Variants in CAMTA1 observed in about 807,000 individuals in gnomAD.
CAMTA1 encodes calmodulin binding transcription activator 1, also known as calmodulin-binding transcription activator 1.
In CAMTA1, 27 loss-of-function variants were observed where a neutral mutation model predicts 170.9. The observed-to-expected ratio is 0.16, with a 90% CI of 0.12 to 0.22. The LOEUF is 0.22. Ranked by LOEUF, CAMTA1 falls within the 10% of genes least tolerant of loss-of-function variation. The pLI, the probability that CAMTA1 is intolerant of heterozygous loss-of-function variation, is 1.00. For missense variants in CAMTA1, 1,619 were observed against 2,217.2 expected (o/e 0.73, Z 5.42); for synonymous variants, 833 against 891.5 (o/e 0.93, Z 1.17).
rs752244072 is a variant in CAMTA1, at chr1:7,745,938, C to T, written c.4464C>T (p.Asn1488=). The T allele has an allele frequency of 8.1e-6, 13 of 1,614,230 alleles. No individual in the cohort carries two copies. Among genetic ancestry groups the T allele is most frequent in the Non-Finnish European group, 1.1e-5 (13 of 1,180,036 alleles). The part of the protein sequence containing the change: ...PVSEIAFEKP[N]LPSAADWSEF... ...GTGAAATCGCTTTCGAGAAACCTAA[C>T]CTTCCCTCCGCCGCGGATTGGTCAG... Residue 1488 remains asparagine (N), a synonymous_variant, in exon 18 of 23, where the codon AAC becomes AAT. Coordinates refer to ENST00000303635, the MANE Select transcript of CAMTA1 (RefSeq NM_015215.4).
At chr1:6,988,486 C>T (rs1695735334) in intron 3 of CAMTA1, among the ~76,000 whole-genome samples, 1 of 152,096 alleles carries the variant, frequency 6.6e-6, no homozygotes, top group Admixed American at 6.5e-5. Flanking sequence ...GTAGTGGATA[C>T]ACAGATGGAA....
intron 3 of CAMTA1, among the ~76,000 whole-genome samples, chr1:6,868,792 A>G (rs1372981375): frequency 6.6e-6 from 1 of 152,238 alleles, no homozygotes; most frequent in Non-Finnish European, 1.5e-5. Flanking sequence ...TGATGACTTG[A>G]TGGACTTGTG....
intron 3 of CAMTA1, among the ~76,000 whole-genome samples, chr1:7,019,316 TA>T (rs111492441): frequency 0.072 from 10,959 of 152,224 alleles, 453 homozygotes; most frequent in Middle Eastern, 0.21. Flanking sequence ...CACCTAGAAA[TA>T]GGTTCCTTTG....
At chr1:7,541,786 G>C (rs888835842) in intron 6 of CAMTA1, among the ~76,000 whole-genome samples, 2 of 152,306 alleles carry the variant, frequency 1.3e-5, no homozygotes, top group African/African-American at 4.8e-5. Context: ...TCACCCACAG[G>C]GGTTCTGGTG....
intron 3 of CAMTA1, among the ~76,000 whole-genome samples, chr1:6,916,373 C>T (rs1002739179): frequency 1.3e-5 from 2 of 152,136 alleles, no homozygotes; most frequent in African/African-American, 4.8e-5. Context: ...AGCCGCCGGC[C>T]GAGTTCCTGT....
At chr1:7,316,285 C>G (rs1438419617) in intron 5 of CAMTA1, among the ~76,000 whole-genome samples, 1 of 152,190 alleles carries the variant, frequency 6.6e-6, no homozygotes, top group East Asian at 1.9e-4. Flanking sequence ...TCTATTGACA[C>G]CAGGCATTGG....
rs77963822 is a variant in CAMTA1, at chr1:6,879,080, A to G, written c.234+53870A>G. ...CCTTACCATCCCTGCACTTCTTTTA[A>G]AGGAAGTAGAGTTTCCGCTTGAAAA... On this transcript the variant is annotated intron_variant, in intron 3 of 22. Coordinates refer to ENST00000303635, the MANE Select transcript of CAMTA1 (RefSeq NM_015215.4). Among the ~76,000 whole-genome samples, 711 of 152,312 alleles carry G rather than the reference A, an allele frequency of 4.7e-3. 4 individuals are homozygous for G. Among genetic ancestry groups the G allele is most frequent in the Middle Eastern group, 0.017 (5 of 294 alleles).
intron 3 of CAMTA1, among the ~76,000 whole-genome samples, chr1:6,911,041 T>C (rs992040768): frequency 6.6e-6 from 1 of 152,154 alleles, no homozygotes; most frequent in African/African-American, 2.4e-5. Context: ...TTACCTTCCG[T>C]TTGGAGCAGC....
intron 4 of CAMTA1, among the ~76,000 whole-genome samples, chr1:7,143,449 A>C (rs1013947082): frequency 6.6e-6 from 1 of 152,162 alleles, no homozygotes; most frequent in African/African-American, 2.4e-5. Context: ...CATTTTGCAC[A>C]CCCAGACAAA....
chr1:6,811,710 A>G (rs1384024429), intron 1 of CAMTA1, among the ~76,000 whole-genome samples: 1 of 152,206 alleles, frequency 6.6e-6, no homozygotes, highest in Non-Finnish European at 1.5e-5. Flanking sequence ...GCTTTTGTGC[A>G]TGGACTTCGT....
At chr1:7,695,670 G>A (rs143135467) in intron 11 of CAMTA1, among the ~76,000 whole-genome samples, 42 of 152,266 alleles carry the variant, frequency 2.8e-4, no homozygotes, top group Non-Finnish European at 5.0e-4. Flanking sequence ...ATGGGACTGT[G>A]GCTGCACCAT....
At chr1:7,489,903 C>T (rs1176528939) in intron 6 of CAMTA1, among the ~76,000 whole-genome samples, 2 of 152,214 alleles carry the variant, frequency 1.3e-5, no homozygotes, top group African/African-American at 4.8e-5. Context: ...TGGCTACTGG[C>T]ATCATCAGCT....
chr1:7,585,718 GC>G lies in CAMTA1; in HGVS notation c.511-54681del, dbSNP rs2095303553. Among the ~76,000 whole-genome samples the G allele has an allele frequency of 6.6e-6, 1 of 152,038 alleles. No individual in the cohort carries two copies. Among genetic ancestry groups the G allele is most frequent in the Non-Finnish European group, 1.5e-5 (1 of 67,984 alleles). ...GGGGCAGGAGGGGAATGGCCAGGAT[GC>G]GGGGTGCCCAGTTCATACATCCTAG... On this transcript the variant is annotated intron_variant, in intron 6 of 22. Transcript: ENST00000303635. The surrounding 1 kb of genome is among the most constrained non-coding windows in gnomAD (Gnocchi z 4.8).
chr1:7,421,540 A>C lies in CAMTA1; in HGVS notation c.439-46290A>C, dbSNP rs747372644. ...TGGATTGCTCTGGGACTTATTAGTG[A>C]GGTCACCTGGACAAGTTACTGAACT... is the stretch of plus-strand genomic sequence containing the variant. On this transcript the variant is annotated intron_variant, in intron 5 of 22. Transcript: ENST00000303635. 2.3e-3 allele frequency among the ~76,000 whole-genome samples: 354 copies of C among 152,252 alleles called. 3 individuals are homozygous for C. The highest frequency in any genetic ancestry group is 2.5e-3 in the Non-Finnish European group (170 of 68,016).
At chr1:7,670,614 C>G (rs1243100529) in intron 9 of CAMTA1, among the ~76,000 whole-genome samples, 1 of 152,240 alleles carries the variant, frequency 6.6e-6, no homozygotes, top group African/African-American at 2.4e-5. Context: ...GCACTCCCTC[C>G]TGCCTGGATC....
chr1:6,982,436 G>A (rs1488877172), intron 3 of CAMTA1, among the ~76,000 whole-genome samples: 1 of 152,234 alleles, frequency 6.6e-6, no homozygotes, highest in East Asian at 1.9e-4. Context: ...ATCCTGGAGA[G>A]GCACCTCTCA....
chr1:7,633,357 C>A lies in CAMTA1; in HGVS notation c.511-7043C>A, dbSNP rs2095685340. ...CAGCTGGGTTAAGGGACAAGCTGAA[C>A]TTCCCTCAGAGAGGAAGAGCTGCAG... On this transcript the variant is annotated intron_variant, in intron 6 of 22. Coordinates refer to ENST00000303635, the MANE Select transcript of CAMTA1 (RefSeq NM_015215.4). The surrounding 1 kb of genome is among the most constrained non-coding windows in gnomAD (Gnocchi z 4.1). 6.6e-6 allele frequency among the ~76,000 whole-genome samples: 1 copy of A among 152,196 alleles called. No homozygotes were observed. The highest frequency in any genetic ancestry group is 2.1e-4 in the South Asian group (1 of 4,832).
At chr1:7,525,884 G>A (rs974179979) in intron 6 of CAMTA1, among the ~76,000 whole-genome samples, 1 of 152,076 alleles carries the variant, frequency 6.6e-6, no homozygotes, top group African/African-American at 2.4e-5. Flanking sequence ...AGGCAAGACA[G>A]TGTGGGTCCC....
chr1:7,358,998 T>C (rs920344975), intron 5 of CAMTA1, among the ~76,000 whole-genome samples: 17 of 152,062 alleles, frequency 1.1e-4, no homozygotes, highest in African/African-American at 3.9e-4. Context: ...CAGCAGCCCA[T>C]GTGGCACACT....
Sources: allele counts gnomAD v4.1 joint callset (sites outside exome capture counted in the v4.1 genomes callset), GRCh38; gene constraint gnomAD v4.1.1; non-coding constraint Gnocchi (gnomAD v3.1); transcripts MANE v1.5; gene names NCBI Gene and HGNC (gene_info 2026-07-23, HGNC 2026-07-21).